PLXNA1: variants seen among roughly 807,000 people sequenced by gnomAD.
PLXNA1 encodes the protein plexin A1.
PLXNA1 carries 77 observed loss-of-function variants against 191.7 expected under a neutral mutation model. The ratio of observed to expected loss-of-function variants is 0.40; its 90% CI spans 0.33 to 0.49. The LOEUF (loss-of-function observed/expected upper bound fraction) is 0.49. PLXNA1 is among the 20% of genes least tolerant of loss of function. The pLI, the probability that PLXNA1 is intolerant of heterozygous loss-of-function variation, is 0.63. For synonymous variants in PLXNA1, 1,137 were observed against 1,156.4 expected, an observed-to-expected ratio of 0.98 and a Z score of 0.34; for missense variants, 2,110 against 2,660.2, an observed-to-expected ratio of 0.79 and a Z score of 4.55.
At chr3:127,014,950 G>A (rs1025964273) in intron 14 of PLXNA1, 119 bp downstream of exon 14, 68 of 1,464,822 alleles carry the variant, frequency 4.6e-5, no homozygotes, top group Middle Eastern at 4.9e-4. Context: ...GCTTTTCCAC[G>A]GCCTGGGTGC....
intron 3 of PLXNA1, among the ~76,000 whole-genome samples, chr3:127,002,624 CAG>C (rs1182669589): frequency 6.6e-6 from 1 of 152,236 alleles, no homozygotes; most frequent in East Asian, 1.9e-4. Flanking sequence ...ACCCTGGACT[CAG>C]AGCTGGGCAG....
In PLXNA1 at chr3:127,006,091, T is replaced by G. The variant is rs1576677250; in HGVS notation, c.1910T>G (p.Val637Gly). The stretch of plus-strand genomic sequence containing the variant: ...GCTGCTCGTGCAGGAGACCAGCGGG[T>G]GGTGAAACTCTACCTAAAGTCCAAG... The part of the protein sequence containing the change: ...PITRGQGDQR[V>G]VKLYLKSKET... The change falls in exon 8 of 32, where the codon GTG (valine) becomes GGG (glycine). Residue 637 changes from valine (V) to glycine (G), a missense_variant. Physicochemically the swap from Val to Gly is moderately radical, Grantham distance 109 (BLOSUM62 -3). Coordinates refer to ENST00000393409, the MANE Select transcript of PLXNA1 (RefSeq NM_032242.4). The G allele has an allele frequency of 6.2e-7, 1 of 1,613,526 alleles. No individual in the cohort carries two copies. The highest frequency in any genetic ancestry group is 8.5e-7 in the Non-Finnish European group (1 of 1,179,838).
Position 127,005,023 on chromosome 3 carries a change from C to T in PLXNA1, c.1743+15C>T, listed in dbSNP as rs753856121. On this transcript the variant is annotated intron_variant, in intron 6 of 31. Transcript: ENST00000393409. ...CCCAGGTCCCAGTAAGTGTGGCACC[C>T]CAGGTGGTAAGGGGTGGGGGACAGC... The T allele has an allele frequency of 6.2e-7, 1 of 1,608,718 alleles. No homozygotes were observed. The highest frequency in any genetic ancestry group is 8.5e-7 in the Non-Finnish European group (1 of 1,176,940).
At chr3:126,993,219 C>T (rs368817747) in intron 3 of PLXNA1, among the ~76,000 whole-genome samples, 2 of 152,204 alleles carry the variant, frequency 1.3e-5, no homozygotes, top group East Asian at 3.9e-4. Flanking sequence ...AGGTACAGAA[C>T]AGGGAACTGC....
intron 15 of PLXNA1, 71 bp from the exon 16 acceptor site, chr3:127,016,446 C>A (rs762829486): frequency 7.9e-6 from 11 of 1,399,780 alleles, no homozygotes; most frequent in African/African-American, 1.4e-5. Context: ...CACCGTCCCT[C>A]AATGCATCTG....
At chr3:126,998,562 G>A (rs1576672958) in intron 3 of PLXNA1, among the ~76,000 whole-genome samples, 1 of 152,332 alleles carries the variant, frequency 6.6e-6, no homozygotes, top group Middle Eastern at 3.4e-3. Context: ...CACCAGGTGT[G>A]GCCTCACCAG....
chr3:127,000,958 T>C (rs867494201), intron 3 of PLXNA1, among the ~76,000 whole-genome samples: 2 of 152,070 alleles, frequency 1.3e-5, no homozygotes, highest in South Asian at 2.1e-4. Flanking sequence ...GCCCAGCCTG[T>C]GTGTGTGAAG....
rs564008117 is a variant in PLXNA1, at chr3:126,987,438, C to T, written c.-73-1083C>T. ...GTAGGTGGTTGTGGGTGGAGGGAGC[C>T]GAGTACCCTGGCAATCCAGGAAGGA... On this transcript the variant is annotated intron_variant, in intron 1 of 31. Transcript: ENST00000393409. 9.9e-5 allele frequency among the ~76,000 whole-genome samples: 15 copies of T among 152,182 alleles called. No individual in the cohort carries two copies. The East Asian group carries it at 2.5e-3, about 26-fold the overall frequency.
chr3:127,029,435 C>T lies in PLXNA1; in HGVS notation c.4774-5C>T. The T allele has an allele frequency of 6.2e-7, 1 of 1,613,356 alleles. No homozygotes were observed. The highest frequency in any genetic ancestry group is 1.1e-5 in the South Asian group (1 of 91,074). On this transcript the variant is annotated splice_polypyrimidine_tract_variant and splice_region_variant and intron_variant, in intron 26 of 31. Transcript: ENST00000393409. ...GTCACAGGGTCCCTGGCCCTCTGCC[C>T]ACAGGTGACAGACGGGTCCTCGGTG...
At chr3:126,989,889 G>A (rs1201415172) in intron 2 of PLXNA1, 102 bp downstream of exon 2, 6 of 1,085,412 alleles carry the variant, frequency 5.5e-6, no homozygotes, top group Non-Finnish European at 4.0e-6. Context: ...TGTGTGCCTG[G>A]CCTGGCTTTT....
At chr3:127,022,026 C>T (rs1395030854) in intron 21 of PLXNA1, 59 bp from the exon 22 acceptor site, 3 of 1,571,648 alleles carry the variant, frequency 1.9e-6, no homozygotes, top group Non-Finnish European at 2.6e-6. Flanking sequence ...CCTCACTGGT[C>T]AGCTTGGGGG....
intron 1 of PLXNA1, among the ~76,000 whole-genome samples, chr3:126,985,276 G>A (rs1309364768): frequency 6.6e-6 from 1 of 152,114 alleles, no homozygotes; most frequent in African/African-American, 2.4e-5. Flanking sequence ...AGGAGCCCCT[G>A]GGCTGGGGCT....
At position 127,003,364 on chromosome 3, in the gene PLXNA1, C is replaced by A. The variant is rs1368471847; in HGVS notation, c.1412C>A (p.Pro471His). 1 of 1,609,740 alleles carries A rather than the reference C, an allele frequency of 6.2e-7. No individual in the cohort carries two copies. The highest frequency in any genetic ancestry group is 8.5e-7 in the Non-Finnish European group (1 of 1,177,668). The change falls in exon 4 of 32, where the codon CCT becomes CAT. Residue 471 changes from proline (P) to histidine (H), a missense_variant. Physicochemically the swap from Pro to His is moderately conservative, Grantham distance 77 (BLOSUM62 -2). Around this residue, in one of 4 missense-constraint regions of PLXNA1, gnomAD observed 903 missense variants for 1,015.7 expected, o/e 0.89. Coordinates refer to ENST00000393409, the MANE Select transcript of PLXNA1 (RefSeq NM_032242.4). ...LVDLSNPGGR[P>H]ALAYESVVAQ... is the part of the protein sequence containing the mutation. ...GACCTCTCAAACCCCGGTGGCCGGC[C>A]TGCCCTGGCCTACGAGAGCGTCGTG... is the stretch of plus-strand genomic sequence containing the variant.
chr3:127,019,412 G>T lies in PLXNA1; in HGVS notation c.3896-790G>T, dbSNP rs925787460. ...CTGGTGGGACTGGAGGCAGGTGTGT[G>T]TTGGGGCCAGGTGGGAGGCAGGTGG... is the stretch of plus-strand genomic sequence containing the variant. On this transcript the variant is annotated intron_variant, in intron 20 of 31. Transcript: ENST00000393409. 1.2e-4 allele frequency among the ~76,000 whole-genome samples: 18 copies of T among 152,304 alleles called. 1 individual carries two copies. The South Asian group carries it at 3.5e-3, about 30-fold the overall frequency.
intron 23 of PLXNA1, among the ~76,000 whole-genome samples, chr3:127,025,808 T>C (rs1396150476): frequency 2.6e-5 from 4 of 152,242 alleles, no homozygotes; most frequent in African/African-American, 9.6e-5. Context: ...TACAATGAGA[T>C]AGTAGTCTGC....
At chr3:127,025,167 G>A (rs1271276706) in intron 23 of PLXNA1, among the ~76,000 whole-genome samples, 5 of 152,066 alleles carry the variant, frequency 3.3e-5, no homozygotes, top group South Asian at 4.2e-4. Flanking sequence ...TGTATCCACC[G>A]TTATAGTGTC....
At position 127,028,976 on chromosome 3, in the gene PLXNA1, G is replaced by A; in HGVS notation, c.4670-17G>A. ...AGGGCCCCAGCGGCCCCACCCTCCA[G>A]CTCCCTCCTCCCCCAGAGTGGCGCC... On this transcript the variant is annotated splice_polypyrimidine_tract_variant and intron_variant, in intron 25 of 31. Transcript: ENST00000393409. The A allele has an allele frequency of 6.2e-7, 1 of 1,606,386 alleles. No individual in the cohort carries two copies. The highest frequency in any genetic ancestry group is 1.1e-5 in the South Asian group (1 of 90,896).
At position 127,033,939 on chromosome 3, in the gene PLXNA1, G is replaced by A. The variant is rs1488551017; in HGVS notation, c.5613G>A (p.Glu1871=). ...KYKDEILAAL[E]KDEQARRQRL... is the part of the protein sequence containing the mutation. ...CCCTGCAGATCCTGGCAGCCCTGGA[G>A]AAGGATGAGCAGGCGCGGCGGCAGC... is the stretch of plus-strand genomic sequence containing the variant. Residue 1871 remains glutamate (E), a synonymous_variant, in exon 32 of 32, where the codon GAG becomes GAA. Transcript: ENST00000393409. 10 of 1,603,992 alleles carry A rather than the reference G, an allele frequency of 6.2e-6. No individual in the cohort carries two copies. The highest frequency in any genetic ancestry group is 7.6e-6 in the Non-Finnish European group (9 of 1,176,630).
chr3:127,002,380 C>G (rs915793850), intron 3 of PLXNA1, among the ~76,000 whole-genome samples: 10 of 152,256 alleles, frequency 6.6e-5, no homozygotes, highest in Non-Finnish European at 1.5e-4. Flanking sequence ...AGCGCCCCAC[C>G]CTGGCTGGCC....
Sources: allele counts gnomAD v4.1 joint callset (sites outside exome capture counted in the v4.1 genomes callset), GRCh38; gene constraint gnomAD v4.1.1; regional missense constraint gnomAD v4.1.1; transcripts MANE v1.5; gene names NCBI Gene and HGNC (gene_info 2026-07-23, HGNC 2026-07-21).